Variants in DTNB observed in about 807,000 individuals in gnomAD.
DTNB encodes DTN-B.
Under a neutral mutation model 90.7 loss-of-function variants are expected in DTNB, and 63 were observed. The observed-to-expected ratio is 0.69, with a 90% CI of 0.57 to 0.86. The LOEUF (loss-of-function observed/expected upper bound fraction) is 0.86. DTNB is among the 40% of genes least tolerant of loss of function. The pLI is 0.00. For synonymous variants in DTNB, 277 were observed against 286.7 expected (o/e 0.97, Z 0.34); for missense variants, 744 against 807.1 (o/e 0.92, Z 0.95).
intron 9 of DTNB, among the ~76,000 whole-genome samples, chr2:25,524,365 A>G (rs187979357): frequency 9.2e-5 from 14 of 151,856 alleles, no homozygotes; most frequent in Non-Finnish European, 1.5e-5. Flanking sequence ...TAACTGCTCA[A>G]CATCTCATCT....
intron 16 of DTNB, among the ~76,000 whole-genome samples, chr2:25,407,278 T>C (rs1450061146): frequency 6.6e-6 from 1 of 152,136 alleles, no homozygotes; most frequent in Non-Finnish European, 1.5e-5. Flanking sequence ...ACAATATACT[T>C]TGGCATGGAT....
chr2:25,657,947 AC>A, intron 1 of DTNB, among the ~76,000 whole-genome samples: 1 of 152,196 alleles, frequency 6.6e-6, no homozygotes, highest in South Asian at 2.1e-4. Flanking sequence ...AAAATAAAAA[AC>A]AACTGACAAC....
intron 1 of DTNB, among the ~76,000 whole-genome samples, chr2:25,667,743 C>T (rs921495601): frequency 2.0e-5 from 3 of 152,114 alleles, no homozygotes; most frequent in Admixed American, 6.5e-5. Context: ...TCTTACCATT[C>T]GACCCAGCAA....
chr2:25,659,433 A>T (rs745656742), intron 1 of DTNB, among the ~76,000 whole-genome samples: 3 of 152,196 alleles, frequency 2.0e-5, no homozygotes, highest in Non-Finnish European at 4.4e-5. Flanking sequence ...GAATTCACTA[A>T]AAGAAAGAGA....
intron 2 of DTNB, among the ~76,000 whole-genome samples, chr2:25,647,993 C>A (rs545362215): frequency 6.6e-6 from 1 of 152,156 alleles, no homozygotes; most frequent in African/African-American, 2.4e-5. Flanking sequence ...AGGCAGAGAA[C>A]AAAGATACAC....
At chr2:25,577,223 C>G (rs1250416671) in intron 7 of DTNB, among the ~76,000 whole-genome samples, 1 of 151,954 alleles carries the variant, frequency 6.6e-6, no homozygotes, top group Non-Finnish European at 1.5e-5. Flanking sequence ...TCACTTGAGA[C>G]CAGGAGTTTG....
chr2:25,556,956 C>A (rs1457050782), intron 8 of DTNB, among the ~76,000 whole-genome samples: 5 of 152,168 alleles, frequency 3.3e-5, no homozygotes, highest in Non-Finnish European at 7.4e-5. Flanking sequence ...ACTGTAAAAG[C>A]TTTCAAAACA....
chr2:25,471,353 T>G (rs2062772433), intron 10 of DTNB, among the ~76,000 whole-genome samples: 1 of 151,116 alleles, frequency 6.6e-6, no homozygotes, highest in South Asian at 2.1e-4. Context: ...ATTTGTCAAA[T>G]GACCTCTTTC....
At chr2:25,637,297 G>C (rs898678957) in intron 3 of DTNB, among the ~76,000 whole-genome samples, 1 of 152,094 alleles carries the variant, frequency 6.6e-6, no homozygotes, top group African/African-American at 2.4e-5. Context: ...CACAGGCATG[G>C]GCAAGAACTT....
At chr2:25,630,988 A>C (rs1356316316) in intron 3 of DTNB, among the ~76,000 whole-genome samples, 1 of 152,154 alleles carries the variant, frequency 6.6e-6, no homozygotes, top group Non-Finnish European at 1.5e-5. Context: ...TATATATATG[A>C]AATGTCCACA....
chr2:25,506,441 T>C (rs2072465181), intron 9 of DTNB, among the ~76,000 whole-genome samples: 1 of 151,968 alleles, frequency 6.6e-6, no homozygotes, highest in Admixed American at 6.6e-5. Flanking sequence ...TCATGGGGGT[T>C]TGTTGTACAG....
chr2:25,553,541 C>G (rs562586852), intron 8 of DTNB, among the ~76,000 whole-genome samples: 7 of 151,660 alleles, frequency 4.6e-5, no homozygotes, highest in African/African-American at 2.4e-5. Flanking sequence ...AGTTTGAGAC[C>G]AGCCTGGCCA....
intron 15 of DTNB, among the ~76,000 whole-genome samples, chr2:25,422,237 A>G (rs1023018731): frequency 2.6e-5 from 4 of 152,196 alleles, no homozygotes; most frequent in African/African-American, 9.7e-5. Context: ...TCTCTTCCAC[A>G]TGAATGAGGT....
At chr2:25,501,351 G>T (rs1167887098) in intron 9 of DTNB, among the ~76,000 whole-genome samples, 3 of 151,988 alleles carry the variant, frequency 2.0e-5, no homozygotes, top group Non-Finnish European at 4.4e-5. Flanking sequence ...CAACTAGCCG[G>T]GACTACAGAC....
intron 4 of DTNB, among the ~76,000 whole-genome samples, chr2:25,627,230 T>C (rs2074373520): frequency 6.6e-6 from 1 of 152,084 alleles, no homozygotes; most frequent in Non-Finnish European, 1.5e-5. Context: ...CTGACCAACA[T>C]GGAGAAACCC....
intron 16 of DTNB, among the ~76,000 whole-genome samples, chr2:25,416,188 T>C (rs2047876471): frequency 6.6e-6 from 1 of 152,206 alleles, no homozygotes; most frequent in Non-Finnish European, 1.5e-5. Context: ...GTAAGAAACC[T>C]ACACATTTGG....
At chr2:25,571,903 C>T (rs2059929612) in intron 8 of DTNB, among the ~76,000 whole-genome samples, 1 of 152,010 alleles carries the variant, frequency 6.6e-6, no homozygotes, top group South Asian at 2.1e-4. Flanking sequence ...TCCTTGTGGC[C>T]AGATGGGCCT....
chr2:25,607,094 T>A (rs2067267319), intron 5 of DTNB, 142 bp downstream of exon 5: 1 of 792,830 alleles, frequency 1.3e-6, no homozygotes, highest in African/African-American at 1.7e-5. Flanking sequence ...ATAACTCACC[T>A]ACTGTGAGCC....
intron 3 of DTNB, among the ~76,000 whole-genome samples, chr2:25,635,945 C>T (rs987016166): frequency 6.6e-6 from 1 of 152,122 alleles, no homozygotes; most frequent in Non-Finnish European, 1.5e-5. Flanking sequence ...GACCAGGGAA[C>T]ACAAGAGGGT....
Sources: allele counts gnomAD v4.1 joint callset (sites outside exome capture counted in the v4.1 genomes callset), GRCh38; gene constraint gnomAD v4.1.1; transcripts MANE v1.5; gene names NCBI Gene and HGNC (gene_info 2026-07-23, HGNC 2026-07-21).